The following CTIF variants were observed in gnomAD, a reference collection of about 807,000 sequenced individuals.
The protein encoded by CTIF is cap binding complex dependent translation initiation factor.
A neutral mutation model predicts 66.0 loss-of-function variants in CTIF; 21 were observed. The ratio of observed to expected loss-of-function variants is 0.32; its 90% CI spans 0.23 to 0.46. The LOEUF is 0.46. Among genes scored for constraint, CTIF ranks in the 20% least tolerant of loss-of-function variants. The pLI, the probability that CTIF is intolerant of heterozygous loss-of-function variation, is 1.00. For synonymous variants in CTIF, 345 were observed against 326.4 expected, an observed-to-expected ratio of 1.06 and a Z score of -0.62; for missense variants, 739 against 812.7, an observed-to-expected ratio of 0.91 and a Z score of 1.10.
intron 1 of CTIF, among the ~76,000 whole-genome samples, chr18:48,604,168 GTTTTT>G (rs34544217): frequency 7.9e-5 from 5 of 63,286 alleles, no homozygotes; most frequent in Non-Finnish European, 1.0e-4. Flanking sequence ...TTTTTTAAGG[GTTTTT>G]TTTTTTTTTT....
intron 7 of CTIF, among the ~76,000 whole-genome samples, chr18:48,722,246 A>C (rs1598925975): frequency 4.2e-5 from 5 of 119,494 alleles, no homozygotes; most frequent in South Asian, 2.5e-4. Flanking sequence ...ACAGGATCTC[A>C]CTCTGTTGTC....
chr18:48,828,888 G>T (rs1599121530), intron 10 of CTIF, among the ~76,000 whole-genome samples: 1 of 152,196 alleles, frequency 6.6e-6, no homozygotes, highest in Non-Finnish European at 1.5e-5. Context: ...CGCAGCCCTG[G>T]ACGGCTTGCC....
chr18:48,810,693 C>T (rs2068240908), intron 9 of CTIF, among the ~76,000 whole-genome samples: 1 of 150,670 alleles, frequency 6.6e-6, no homozygotes. Context: ...TATAATTCTT[C>T]CTTTCTGGTT....
At chr18:48,700,840 T>C (rs1017793609) in intron 6 of CTIF, among the ~76,000 whole-genome samples, 9 of 152,220 alleles carry the variant, frequency 5.9e-5, no homozygotes, top group Non-Finnish European at 1.0e-4. Context: ...TGGAGTCTTG[T>C]TTTCCTGTGT....
intron 6 of CTIF, among the ~76,000 whole-genome samples, chr18:48,708,619 G>A (rs532165631): frequency 6.6e-6 from 1 of 152,180 alleles, no homozygotes; most frequent in Non-Finnish European, 1.5e-5. Flanking sequence ...TATAGCCCTG[G>A]CCTGGATTGT....
Position 48,763,263 on chromosome 18 carries a change from G to A in CTIF, c.1371+1574G>A, listed in dbSNP as rs546619759. Among the ~76,000 whole-genome samples, 4 of 152,354 alleles carry A rather than the reference G, an allele frequency of 2.6e-5. 1 individual carries two copies. Among genetic ancestry groups the A allele is most frequent in the African/African-American group, 9.6e-5 (4 of 41,590 alleles). On this transcript the variant is annotated intron_variant, in intron 9 of 11. Coordinates refer to ENST00000256413, the MANE Select transcript of CTIF (RefSeq NM_014772.3). ...AGCTCCAAGTAACCCAGCCAGACCC[G>A]GTGGCAGACAGGCACCCAGGGCATG...
At chr18:48,617,424 C>G (rs191375339) in intron 1 of CTIF, among the ~76,000 whole-genome samples, 2 of 152,324 alleles carry the variant, frequency 1.3e-5, no homozygotes, top group East Asian at 3.9e-4. Flanking sequence ...CCAAGGGTAT[C>G]TAGACTCCTG....
intron 8 of CTIF, among the ~76,000 whole-genome samples, chr18:48,758,627 C>T (rs1908658170): frequency 6.6e-6 from 1 of 152,136 alleles, no homozygotes; most frequent in Non-Finnish European, 1.5e-5. Flanking sequence ...TTGGGCTTTT[C>T]ACCTTCCAAA....
intron 10 of CTIF, among the ~76,000 whole-genome samples, chr18:48,830,208 A>G (rs1488021405): frequency 6.6e-6 from 1 of 152,234 alleles, no homozygotes; most frequent in African/African-American, 2.4e-5. Context: ...TCTGTCACCC[A>G]GGCTGGAGTG....
chr18:48,695,597 T>A (rs928129947), intron 6 of CTIF, among the ~76,000 whole-genome samples: 3 of 152,206 alleles, frequency 2.0e-5, no homozygotes, highest in African/African-American at 7.2e-5. Context: ...CCAGCCCTCC[T>A]TTTCCTCATT....
intron 1 of CTIF, among the ~76,000 whole-genome samples, chr18:48,559,070 C>A (rs566643749): frequency 6.6e-6 from 1 of 152,270 alleles, no homozygotes; most frequent in Non-Finnish European, 1.5e-5. Flanking sequence ...TGATGGTGAT[C>A]ATATTTTCTG....
chr18:48,827,418 T>C (rs2068604065), intron 10 of CTIF, among the ~76,000 whole-genome samples: 1 of 151,954 alleles, frequency 6.6e-6, no homozygotes, highest in Non-Finnish European at 1.5e-5. Flanking sequence ...AGAGGGAAGG[T>C]GGGAGCCCAG....
chr18:48,619,718 C>T lies in CTIF; in HGVS notation c.153C>T (p.Ser51=), dbSNP rs146773532. 1.7e-3 allele frequency: 2,663 copies of T among 1,602,616 alleles called. 9 individuals are homozygous for T. The highest frequency in any genetic ancestry group is 2.1e-3 in the Non-Finnish European group (2,497 of 1,174,884). ...ACAAGACGGAGGGTGATGGCGAGAGCGAGAGGACCCAGTCCCACATCTCCC... is the reference window on the plus strand; with the variant it reads ...ACAAGACGGAGGGTGATGGCGAGAGTGAGAGGACCCAGTCCCACATCTCCC... ...LADKTEGDGE[S]ERTQSHISQW... The change falls in exon 2 of 12, where the codon AGC becomes AGT. Residue 51 remains serine, a synonymous_variant. Transcript: ENST00000256413.
At chr18:48,823,244 C>T (rs1422471799) in intron 10 of CTIF, among the ~76,000 whole-genome samples, 1 of 151,372 alleles carries the variant, frequency 6.6e-6, no homozygotes, top group East Asian at 1.9e-4. Flanking sequence ...AGTGTCCAGA[C>T]CAACGTCAAG....
At chr18:48,575,831 C>T (rs1445268625) in intron 1 of CTIF, among the ~76,000 whole-genome samples, 2 of 152,284 alleles carry the variant, frequency 1.3e-5, no homozygotes, top group Non-Finnish European at 2.9e-5. Flanking sequence ...GCAACCACCC[C>T]GTGCAGCCTT....
chr18:48,716,621 C>G (rs564530243), intron 7 of CTIF, among the ~76,000 whole-genome samples: 1 of 152,242 alleles, frequency 6.6e-6, no homozygotes, highest in African/African-American at 2.4e-5. Flanking sequence ...CTCACAGCGG[C>G]CACCACCCCC....
chr18:48,839,893 C>T (rs979653742), intron 10 of CTIF, among the ~76,000 whole-genome samples: 13 of 152,284 alleles, frequency 8.5e-5, no homozygotes, highest in Admixed American at 2.0e-4. Flanking sequence ...TCACCCCAGC[C>T]AGCAGAAAGC....
In CTIF at chr18:48,619,555, G is replaced by T; in HGVS notation, c.-11G>T. Reference sequence around the variant, plus strand: ...CCCACCAGTCCCGGCCCAGGCCCCTGAGCTGGAGGGATGGAAAACTCCTCT... The same window carrying T: ...CCCACCAGTCCCGGCCCAGGCCCCTTAGCTGGAGGGATGGAAAACTCCTCT... On this transcript the variant is annotated 5_prime_UTR_variant, in exon 2 of 12. Coordinates refer to ENST00000256413, the MANE Select transcript of CTIF (RefSeq NM_014772.3). The T allele has an allele frequency of 3.3e-6, 5 of 1,529,926 alleles. No individual in the cohort carries two copies. The highest frequency in any genetic ancestry group is 2.6e-5 in the South Asian group (2 of 76,428). The allele number at this position is 1,529,926 out of a possible 1,614,324, so 94.8% of individuals were successfully genotyped here.
At chr18:48,555,132 G>T (rs1267815059) in intron 1 of CTIF, among the ~76,000 whole-genome samples, 1 of 152,068 alleles carries the variant, frequency 6.6e-6, no homozygotes, top group Non-Finnish European at 1.5e-5. Context: ...ATGGAATACG[G>T]TGTTCGAGGT....
Sources: gnomAD v4.1 joint callset for allele counts (sites outside exome capture counted in the v4.1 genomes callset) on GRCh38, gnomAD v4.1.1 for gene constraint, MANE v1.5 for transcripts, NCBI Gene and HGNC (gene_info 2026-07-23, HGNC 2026-07-21) for gene names.